AXIN1: variants seen among roughly 807,000 people sequenced by gnomAD.
The protein encoded by AXIN1 is axin 1, also known as axin-1.
In AXIN1, 30 loss-of-function variants were observed where a neutral mutation model predicts 76.4. The observed-to-expected ratio is 0.39, with a 90% CI of 0.29 to 0.53. The LOEUF (loss-of-function observed/expected upper bound fraction) is 0.53, where lower values mean the gene tolerates loss of function less well. AXIN1 is among the 20% of genes least tolerant of loss of function. The pLI is 0.66. For missense variants in AXIN1, 1,140 were observed against 1,198.8 expected, an observed-to-expected ratio of 0.95 and a Z score of 0.72; for synonymous variants, 545 against 501.4, an observed-to-expected ratio of 1.09 and a Z score of -1.16.
rs764479647 is a variant in AXIN1, at chr16:293,389, G to A, written c.2186+99C>T. The A allele has an allele frequency of 1.3e-4, 168 of 1,275,426 alleles. No homozygotes were observed. Among genetic ancestry groups the A allele is most frequent in the Non-Finnish European group, 1.8e-4 (161 of 911,156 alleles). The allele number at this position is 1,275,426 out of a possible 1,614,324, so 79.0% of individuals were successfully genotyped here. ...ATGGCTGGGGGACACCCAGAGGGCC[G>A]TTTTTCCCCTGAAGACCTCAGGCCT... On this transcript the variant is annotated intron_variant, in intron 8 of 10. Transcript: ENST00000262320. The surrounding 1 kb of genome is among the most constrained non-coding windows in gnomAD (Gnocchi z 4.6).
At chr16:320,309 G>C (rs1025099246) in intron 2 of AXIN1, among the ~76,000 whole-genome samples, 1 of 152,174 alleles carries the variant, frequency 6.6e-6, no homozygotes, top group African/African-American at 2.4e-5. Context: ...GTGTCCGAAT[G>C]TGCTGGGATT....
chr16:342,639 G>A (rs914709320), intron 2 of AXIN1, among the ~76,000 whole-genome samples: 4 of 152,228 alleles, frequency 2.6e-5, no homozygotes, highest in Non-Finnish European at 5.9e-5. Flanking sequence ...CCCAGCGCAC[G>A]CACCGTGACT....
chr16:304,575 C>T, intron 4 of AXIN1, 134 bp from the exon 5 acceptor site: 1 of 1,395,044 alleles, frequency 7.2e-7, no homozygotes, highest in Non-Finnish European at 9.7e-7. Flanking sequence ...TGCTCTGTCA[C>T]CCAGGCTGGA....
chr16:295,359 CTCGGCCTCCCAAAGTGCTGGGAT>C (rs2052683885), intron 7 of AXIN1, among the ~76,000 whole-genome samples: 1 of 151,906 alleles, frequency 6.6e-6, no homozygotes, highest in Non-Finnish European at 1.5e-5. Flanking sequence ...ATCCACCTGC[CTCGGCCTCCCAAAGTGCTGGGAT>C]GAGGCTTCTT....
At chr16:342,470 C>A (rs1410125070) in intron 2 of AXIN1, among the ~76,000 whole-genome samples, 1 of 152,188 alleles carries the variant, frequency 6.6e-6, no homozygotes, top group Non-Finnish European at 1.5e-5. Context: ...GCTGTGGTAG[C>A]AATGCTCACC....
At chr16:348,991 G>A (rs866974146) in intron 1 of AXIN1, among the ~76,000 whole-genome samples, 1 of 151,756 alleles carries the variant, frequency 6.6e-6, no homozygotes, top group African/African-American at 2.4e-5. Context: ...CCAGCTACTC[G>A]GGAGACTGAC....
At chr16:304,234 C>A (rs2141544025) in intron 5 of AXIN1, 70 bp downstream of exon 5, 1 of 1,597,994 alleles carries the variant, frequency 6.3e-7, no homozygotes, top group Non-Finnish European at 8.5e-7. Flanking sequence ...TGAAGAACAT[C>A]AGGACATCCC....
chr16:329,789 A>ATT (rs773869039), intron 2 of AXIN1, among the ~76,000 whole-genome samples: 8,043 of 131,128 alleles, frequency 0.061, 257 homozygotes, highest in Non-Finnish European at 0.081. Flanking sequence ...TTGCCCGGCT[A>ATT]TTTTTTTTTT....
At chr16:336,108 G>A (rs999071856) in intron 2 of AXIN1, among the ~76,000 whole-genome samples, 22 of 152,186 alleles carry the variant, frequency 1.4e-4, no homozygotes, top group Admixed American at 1.2e-3. Context: ...GGTGATGCAC[G>A]CCTGTAATCC....
rs2052424954 is a variant in AXIN1 at position 287,836 on chromosome 16, G to T, written c.*286C>A. On this transcript the variant is annotated 3_prime_UTR_variant, in exon 11 of 11. Coordinates refer to ENST00000262320, the MANE Select transcript of AXIN1 (RefSeq NM_003502.4). The stretch of plus-strand genomic sequence containing the variant: ...GGGAGGTGCCGGGGGATGGGGGGGG[G>T]TCACCTGAAGCTGGCAGCAGGGACC... 5.7e-6 allele frequency: 3 copies of T among 530,356 alleles called. No individual in the cohort carries two copies. The highest frequency in any genetic ancestry group is 1.0e-5 in the Non-Finnish European group (3 of 291,092). 32.9% of individuals were successfully genotyped at this position (530,356 alleles called of 1,614,324 possible).
chr16:345,960 C>T (rs757782414), intron 2 of AXIN1, among the ~76,000 whole-genome samples, 188 bp downstream of exon 2: 1 of 152,234 alleles, frequency 6.6e-6, no homozygotes, highest in Non-Finnish European at 1.5e-5. Context: ...GTGTTCTCAA[C>T]ATTACAAATA....
intron 7 of AXIN1, among the ~76,000 whole-genome samples, chr16:296,477 C>T (rs768116440): frequency 2.6e-5 from 4 of 152,200 alleles, no homozygotes; most frequent in South Asian, 2.1e-4. Flanking sequence ...GTTCCGGGCA[C>T]GAGTGCAGGC....
At chr16:330,029 G>C (rs2053663311) in intron 2 of AXIN1, among the ~76,000 whole-genome samples, 1 of 151,298 alleles carries the variant, frequency 6.6e-6, no homozygotes, top group African/African-American at 2.4e-5. Context: ...ACCTTCCAAA[G>C]TACTGGGATT....
intron 7 of AXIN1, among the ~76,000 whole-genome samples, chr16:295,708 T>C (rs1463400518): frequency 6.6e-6 from 1 of 152,146 alleles, no homozygotes; most frequent in Non-Finnish European, 1.5e-5. Context: ...ACGCCTGTAA[T>C]CCTAGCACTC....
Position 297,878 on chromosome 16 carries a change from G to C in AXIN1, c.1628C>G (p.Thr543Arg), listed in dbSNP as rs1410414430. 2 of 1,589,068 alleles carry C rather than the reference G, an allele frequency of 1.3e-6. No individual in the cohort carries two copies. The highest frequency in any genetic ancestry group is 1.7e-6 in the Non-Finnish European group (2 of 1,166,856). ...RHVHHHVHHSTARPKEQVEAE... is the reference protein window; with the variant it reads ...RHVHHHVHHSRARPKEQVEAE... Reference sequence around the variant, plus strand: ...CTCCACCTGCTCCTTGGGCCGGGCTGTGCTGTGGTGGACGTGGTGGTGGAC... The same window carrying C: ...CTCCACCTGCTCCTTGGGCCGGGCTCTGCTGTGGTGGACGTGGTGGTGGAC... The change falls in exon 6 of 11, where the codon ACA becomes AGA. Residue 543 changes from threonine to arginine, a missense_variant. Coordinates refer to ENST00000262320, the MANE Select transcript of AXIN1 (RefSeq NM_003502.4).
At chr16:310,569 T>C (rs917007965) in intron 3 of AXIN1, among the ~76,000 whole-genome samples, 2 of 152,174 alleles carry the variant, frequency 1.3e-5, no homozygotes, top group Non-Finnish European at 2.9e-5. Flanking sequence ...GCTAATTTTT[T>C]TGTATTTTTA....
intron 2 of AXIN1, among the ~76,000 whole-genome samples, chr16:332,170 T>C (rs2053704278): frequency 6.6e-6 from 1 of 152,182 alleles, no homozygotes; most frequent in South Asian, 2.1e-4. Context: ...CTGCAGATGG[T>C]GGTGGACCAG....
intron 2 of AXIN1, among the ~76,000 whole-genome samples, chr16:339,868 C>T (rs1042657094): frequency 1.3e-5 from 2 of 152,084 alleles, no homozygotes; most frequent in South Asian, 4.1e-4. Flanking sequence ...GCGACCCCAC[C>T]CTGGGCCACA....
At position 287,697 on chromosome 16, in the gene AXIN1, C is replaced by T. The variant is rs1005731081; in HGVS notation, c.*425G>A. 2.1e-4 allele frequency: 73 copies of T among 345,240 alleles called. No homozygotes were observed. The highest frequency in any genetic ancestry group is 8.3e-4 in the Middle Eastern group (1 of 1,204). 21.4% of individuals were successfully genotyped at this position (345,240 alleles called of 1,614,324 possible). A position where few individuals can be genotyped will look rare whatever the true frequency, so the allele number is the denominator to read the frequency against. The stretch of plus-strand genomic sequence containing the variant: ...AAGCTGTGTTGAAGGCACTCGGTGG[C>T]GCGTACAATTGACAGAGGCCCTGCA... On this transcript the variant is annotated 3_prime_UTR_variant, in exon 11 of 11. Coordinates refer to ENST00000262320, the MANE Select transcript of AXIN1 (RefSeq NM_003502.4).
Sources: allele counts gnomAD v4.1 joint callset (sites outside exome capture counted in the v4.1 genomes callset), GRCh38; gene constraint gnomAD v4.1.1; non-coding constraint Gnocchi (gnomAD v3.1); transcripts MANE v1.5; gene names NCBI Gene and HGNC (gene_info 2026-07-23, HGNC 2026-07-21).